TF: variants seen among roughly 807,000 people sequenced by gnomAD.
The protein encoded by TF is serotransferrin.
TF carries 55 observed loss-of-function variants against 82.4 expected under a neutral mutation model. That is an observed-to-expected ratio of 0.67 (90% confidence interval 0.54 to 0.84). TF has a LOEUF of 0.84. Ranked by LOEUF, TF falls within the 40% of genes least tolerant of loss-of-function variation. TF has a pLI of 0.00. For missense variants in TF, 737 were observed against 868.4 expected (o/e 0.85, Z 1.90); for synonymous variants, 332 against 332.6 (o/e 1.00, Z 0.02).
chr3:133,764,811 A>G lies in TF; in HGVS notation c.1298-64A>G, dbSNP rs149349763. ...TATTCTTAGCTGCAGCATAAAAAAA[A>G]GGCATGGTTTCCCAATCTATAAATC... On this transcript the variant is annotated intron_variant, in intron 10 of 16. Transcript: ENST00000402696. 13 of 1,511,826 alleles carry G rather than the reference A, an allele frequency of 8.6e-6. No individual in the cohort carries two copies. The African/African-American group carries it at 1.4e-4, about 16-fold the overall frequency. The allele number at this position is 1,511,826 out of a possible 1,614,324, so 93.7% of individuals were successfully genotyped here.
chr3:133,764,803 TAA>T, intron 10 of TF, 70 bp from the exon 11 acceptor site: 1 of 1,457,352 alleles, frequency 6.9e-7, no homozygotes, highest in Non-Finnish European at 9.6e-7. Flanking sequence ...AGCTGCAGCA[TAA>T]AAAAAAGGCA....
At chr3:133,750,626 G>T (rs542001009) in intron 2 of TF, among the ~76,000 whole-genome samples, 1 of 152,030 alleles carries the variant, frequency 6.6e-6, no homozygotes, top group Non-Finnish European at 1.5e-5. Flanking sequence ...AGGGCTGGAC[G>T]CTGTGTTTTA....
At chr3:133,770,650 T>C in intron 14 of TF, 78 bp downstream of exon 14, 1 of 1,434,044 alleles carries the variant, frequency 7.0e-7, no homozygotes. Context: ...AGGGATGCCT[T>C]TGTGGAAGTA....
rs1934915722 is a variant in TF at position 133,794,385 on chromosome 3, T to C, written c.*15765T>C. On this transcript the variant is annotated 3_prime_UTR_variant, in exon 17 of 17. Transcript: ENST00000402696. ...CCTGATAGGCCATTTAAACATTTTA[T>C]AGAGGGATTTTATTCAATTGTTATT... is the stretch of plus-strand genomic sequence containing the variant. 6.6e-6 allele frequency: 1 copy of C among 152,236 alleles called. No individual in the cohort carries two copies. The highest frequency in any genetic ancestry group is 6.5e-5 in the Admixed American group (1 of 15,284). 9.4% of individuals were successfully genotyped at this position (152,236 alleles called of 1,614,324 possible). A position where few individuals can be genotyped will look rare whatever the true frequency, so the allele number is the denominator to read the frequency against.
At chr3:133,770,436 G>A in intron 13 of TF, 72 bp from the exon 14 acceptor site, 1 of 1,388,458 alleles carries the variant, frequency 7.2e-7, no homozygotes, top group Non-Finnish European at 1.0e-6. Flanking sequence ...AATCTATAAG[G>A]TAGCCCCCTG....
In TF at chr3:133,753,672, T is replaced by G; in HGVS notation, c.294T>G (p.Pro98=). The G allele has an allele frequency of 6.2e-7, 1 of 1,614,194 alleles. No individual in the cohort carries two copies. Among genetic ancestry groups the G allele is most frequent in the Non-Finnish European group, 8.5e-7 (1 of 1,180,018 alleles). ...ACCTGGCTCCCAATAACCTGAAGCC[T>G]GTGGTGGCAGAGTTCTATGGGTCAA... is the stretch of plus-strand genomic sequence containing the variant. ...DAYLAPNNLK[P]VVAEFYGSKE... The change falls in exon 3 of 17, where the codon CCT becomes CCG. Residue 98 remains proline, a synonymous_variant. Coordinates refer to ENST00000402696, the MANE Select transcript of TF (RefSeq NM_001063.4).
the TF span, among the ~76,000 whole-genome samples, chr3:133,688,933 GA>G: frequency 4.6e-5 from 7 of 151,954 alleles, no homozygotes; most frequent in African/African-American, 1.7e-4. Flanking sequence ...TGTTAATTGT[GA>G]AAAAAATCCC....
the TF span, among the ~76,000 whole-genome samples, chr3:133,732,646 C>T: frequency 2.6e-5 from 4 of 152,218 alleles, no homozygotes; most frequent in African/African-American, 4.8e-5. Context: ...TCTGCAGCTT[C>T]ATTTCTGAAG....
At chr3:133,769,623 C>T (rs1233376366) in intron 13 of TF, among the ~76,000 whole-genome samples, 3 of 152,156 alleles carry the variant, frequency 2.0e-5, no homozygotes, top group Non-Finnish European at 2.9e-5. Context: ...CAGCTAGCTA[C>T]CCCCAAAACT....
At chr3:133,724,746 A>G in the TF span, among the ~76,000 whole-genome samples, 42 of 152,296 alleles carry the variant, frequency 2.8e-4, no homozygotes, top group African/African-American at 9.9e-4. Flanking sequence ...TATGTCCTGA[A>G]TGGTATTGCC....
the TF span, among the ~76,000 whole-genome samples, chr3:133,727,914 T>A: frequency 2.0e-5 from 3 of 151,922 alleles, no homozygotes; most frequent in Non-Finnish European, 4.4e-5. Flanking sequence ...TCACTTATGA[T>A]GCTTAGTTTG....
chr3:133,786,236 A>C lies in TF; in HGVS notation c.*7616A>C, dbSNP rs1176532443. 2 of 77,348 alleles carry C rather than the reference A, an allele frequency of 2.6e-5. 1 individual carries two copies. The highest frequency in any genetic ancestry group is 1.2e-3 in the South Asian group (2 of 1,686). 4.8% of individuals were successfully genotyped at this position (77,348 alleles called of 1,614,324 possible). A position where few individuals can be genotyped will look rare whatever the true frequency, so the allele number is the denominator to read the frequency against. On this transcript the variant is annotated 3_prime_UTR_variant, in exon 17 of 17. Transcript: ENST00000402696. ...AAAAAATAAATTAAAAAAAAAAAAA[A>C]AAAACAATACTATTTTTTGAACTAT...
chr3:133,723,257 A>C, the TF span, among the ~76,000 whole-genome samples: 2 of 152,158 alleles, frequency 1.3e-5, no homozygotes, highest in Middle Eastern at 3.2e-3. Flanking sequence ...CTCAGAGAGA[A>C]TCTTTTTGGG....
chr3:133,727,502 T>G, the TF span, among the ~76,000 whole-genome samples: 3 of 113,822 alleles, frequency 2.6e-5, no homozygotes, highest in African/African-American at 1.0e-4. Context: ...GTTTTCCATT[T>G]GCTTGGTAGA....
chr3:133,772,573 A>G (rs1934286487), intron 14 of TF, among the ~76,000 whole-genome samples: 1 of 152,204 alleles, frequency 6.6e-6, no homozygotes, highest in African/African-American at 2.4e-5. Context: ...ATACAACTCA[A>G]CTGTCCTCAT....
At chr3:133,758,019 G>C (rs750278441) in intron 8 of TF, 73 bp downstream of exon 8, 28 of 1,472,448 alleles carry the variant, frequency 1.9e-5, no homozygotes, top group Non-Finnish European at 2.6e-5. Flanking sequence ...CAGAGATTGA[G>C]TCTTTTCAGG....
chr3:133,723,654 T>TATTATTATC, the TF span, among the ~76,000 whole-genome samples: 4 of 147,794 alleles, frequency 2.7e-5, no homozygotes, highest in South Asian at 8.4e-4. Context: ...TTATTATTAT[T>TATTATTATC]ATTATTATTA....
chr3:133,775,746 G>A, intron 15 of TF, 129 bp downstream of exon 15: 1 of 924,350 alleles, frequency 1.1e-6, no homozygotes, highest in Non-Finnish European at 1.7e-6. Flanking sequence ...CATGCATTGT[G>A]CATTTCATGC....
At chr3:133,697,896 A>ACC in the TF span, among the ~76,000 whole-genome samples, 1 of 152,186 alleles carries the variant, frequency 6.6e-6, no homozygotes, top group Non-Finnish European at 1.5e-5. Flanking sequence ...GATGCAGGAG[A>ACC]ATAGGGATAT....
Sources: allele counts gnomAD v4.1 joint callset (sites outside exome capture counted in the v4.1 genomes callset), GRCh38; gene constraint gnomAD v4.1.1; transcripts MANE v1.5; gene names NCBI Gene and HGNC (gene_info 2026-07-23, HGNC 2026-07-21).